JAG2: variants seen among roughly 807,000 people sequenced by gnomAD.
JAG2 encodes protein jagged-2.
In JAG2, 46 loss-of-function variants were observed where a neutral mutation model predicts 141.7. That is an observed-to-expected ratio of 0.32 (90% CI 0.26 to 0.42). The LOEUF (loss-of-function observed/expected upper bound fraction) is 0.42. Among genes scored for constraint, JAG2 ranks in the 10% least tolerant of loss-of-function variants. JAG2 has a pLI of 1.00. For missense variants in JAG2, 1,500 were observed against 1,817.5 expected, an observed-to-expected ratio of 0.83 and a Z score of 3.18; for synonymous variants, 862 against 763.5, an observed-to-expected ratio of 1.13 and a Z score of -2.13.
intron 2 of JAG2, 46 bp from the exon 3 acceptor site, chr14:105,157,809 C>T (rs1473708076): frequency 1.3e-6 from 2 of 1,514,968 alleles, no homozygotes; most frequent in East Asian, 2.4e-5. Context: ...CCACACCTGC[C>T]TGCCTCGTTC....
In JAG2 at chr14:105,145,824, C is replaced by T; in HGVS notation, c.2859G>A (p.Glu953=). ...CEAWGECGAE[E]PPSTPCLPRS... is the part of the protein sequence containing the mutation. ...GTGGCAGGCAGGGGGTGCTCGGTGG[C>T]TCTTCTGCGCCGCACTCCCCCCAGG... Residue 953 remains glutamate (E), a synonymous_variant, in exon 23 of 26, where the codon GAG becomes GAA. Coordinates refer to ENST00000331782, the MANE Select transcript of JAG2 (RefSeq NM_002226.5). The T allele has an allele frequency of 6.4e-7, 1 of 1,564,052 alleles. No individual in the cohort carries two copies.
intron 2 of JAG2, among the ~76,000 whole-genome samples, chr14:105,161,460 C>G (rs1411707692): frequency 1.3e-5 from 2 of 152,200 alleles, no homozygotes; most frequent in Admixed American, 1.3e-4. Context: ...TCCCAGGAAA[C>G]CTCATGCCAG....
Position 105,146,469 on chromosome 14 carries a change from C to T in JAG2, c.2625G>A (p.Arg875=). The change falls in exon 22 of 26, where the codon CGG becomes CGA. Residue 875 remains arginine, a synonymous_variant. Coordinates refer to ENST00000331782, the MANE Select transcript of JAG2 (RefSeq NM_002226.5). The stretch of plus-strand genomic sequence containing the variant: ...AGCTTCCGTGTGGGAACGGAGTGCC[C>T]CGGGACCAGCAGGATCTCCCGAACC... ...VIGFGRSCWS[R]GTPFPHGSSW... 1 of 1,612,800 alleles carries T rather than the reference C, an allele frequency of 6.2e-7. No homozygotes were observed. The highest frequency in any genetic ancestry group is 2.2e-5 in the East Asian group (1 of 44,876).
chr14:105,167,371 G>A lies in JAG2; in HGVS notation c.417+386C>T, dbSNP rs1269774438. 6.6e-6 allele frequency among the ~76,000 whole-genome samples: 1 copy of A among 152,038 alleles called. No homozygotes were observed. The highest frequency in any genetic ancestry group is 2.4e-5 in the African/African-American group (1 of 41,416). ...CCACGGGCCCGGGGCGGCTCAGTCA[G>A]GGCCTGCCCTAGACCAGCCCCAGCA... On this transcript the variant is annotated intron_variant, in intron 2 of 25. Transcript: ENST00000331782. This position sits in a 1 kb window ranked among gnomAD's most constrained non-coding sequence, Gnocchi z 4.8.
chr14:105,159,672 C>A (rs1888676320), intron 2 of JAG2, among the ~76,000 whole-genome samples: 1 of 128,854 alleles, frequency 7.8e-6, no homozygotes, highest in African/African-American at 3.0e-5. Flanking sequence ...CAGGCTCCAT[C>A]ACCTCCCCAG....
chr14:105,150,595 A>AGACC lies in JAG2; in HGVS notation c.1602+5_1602+8dup. 1 of 1,546,482 alleles carries AGACC rather than the reference A, an allele frequency of 6.5e-7. No homozygotes were observed. The highest frequency in any genetic ancestry group is 8.7e-7 in the Non-Finnish European group (1 of 1,144,974). ...AGCAGGTGGGGCAGGGTGACCAGGC[A>AGACC]GACCTCACCTCACAGAGAGGCCCGG... On this transcript the variant is annotated intron_variant, in intron 12 of 25. Coordinates refer to ENST00000331782, the MANE Select transcript of JAG2 (RefSeq NM_002226.5).
rs1303484850 is a variant in JAG2 at position 105,150,685 on chromosome 14, G to C, written c.1521C>G (p.Cys507Trp). The C allele has an allele frequency of 6.4e-7, 1 of 1,553,200 alleles. No homozygotes were observed. The highest frequency in any genetic ancestry group is 8.7e-7 in the Non-Finnish European group (1 of 1,148,594). The change falls in exon 12 of 26, where the codon TGC becomes TGG. Residue 507 changes from cysteine (C) to tryptophan (W), a missense_variant. This residue lies in a region of JAG2 where 875 missense variants were observed against 1,202.2 expected (regional missense o/e 0.73). Coordinates refer to ENST00000331782, the MANE Select transcript of JAG2 (RefSeq NM_002226.5). ...GGTCCTCGCAGAGGCCGCCGCTGTG[G>C]CAGGGGCTGCTGGCACACTCGTCTC... ...LERDECASSP[C>W]HSGGLCEDLA...
intron 2 of JAG2, among the ~76,000 whole-genome samples, chr14:105,159,370 G>C (rs1450535842): frequency 1.3e-5 from 2 of 151,966 alleles, no homozygotes; most frequent in East Asian, 3.9e-4. Flanking sequence ...GCTGACAACA[G>C]ACCCTCAATC....
In JAG2 at chr14:105,167,898, G is replaced by A. The variant is rs780527362; in HGVS notation, c.276C>T (p.His92=). 4 of 1,587,992 alleles carry A rather than the reference G, an allele frequency of 2.5e-6. No homozygotes were observed. Among genetic ancestry groups the A allele is most frequent in the Non-Finnish European group, 3.4e-6 (4 of 1,171,838 alleles). The change falls in exon 2 of 26, where the codon CAC becomes CAT. Residue 92 remains histidine (H), a synonymous_variant. Coordinates refer to ENST00000331782, the MANE Select transcript of JAG2 (RefSeq NM_002226.5). The surrounding 1 kb of genome is among the most constrained non-coding windows in gnomAD (Gnocchi z 4.8). ...TGCCGCCCAGCACGGGCGTGGCGCC[G>A]TGGCCGTAGCTGCAGGGCCCCGTGG... ...VTPTGPCSYG[H]GATPVLGGNS...
rs1228127573 is a variant in JAG2 at position 105,152,286 on chromosome 14, C to T, written c.794G>A (p.Ser265Asn). The T allele has an allele frequency of 1.2e-6, 2 of 1,613,150 alleles. No individual in the cohort carries two copies. The highest frequency in any genetic ancestry group is 8.5e-7 in the Non-Finnish European group (1 of 1,179,904). The change falls in exon 6 of 26, where the codon AGC (serine) becomes AAC (asparagine). Residue 265 changes from serine (S) to asparagine (N), a missense_variant. Coordinates refer to ENST00000331782, the MANE Select transcript of JAG2 (RefSeq NM_002226.5). ...GCAGAACCTCCCTTGCCAGCCGTAGCTGCACCTGGGGGAAGGAGGAGGGGC... is the reference window on the plus strand; with the variant it reads ...GCAGAACCTCCCTTGCCAGCCGTAGTTGCACCTGGGGGAAGGAGGAGGGGC... Reference protein sequence around the residue: ...GCTVPGECRCSYGWQGRFCDE... With the variant: ...GCTVPGECRCNYGWQGRFCDE...
intron 22 of JAG2, 58 bp from the exon 23 acceptor site, chr14:105,146,031 C>T (rs1362637329): frequency 1.3e-5 from 20 of 1,565,092 alleles, no homozygotes; most frequent in South Asian, 2.3e-5. Context: ...CAGATGCAGG[C>T]ACACAGATGA....
chr14:105,152,943 C>A (rs940713333), intron 5 of JAG2, among the ~76,000 whole-genome samples: 2 of 152,184 alleles, frequency 1.3e-5, no homozygotes, highest in African/African-American at 4.8e-5. Flanking sequence ...CTGCCCCAGG[C>A]TATCGGCCAA....
intron 18 of JAG2, 105 bp downstream of exon 18, chr14:105,147,667 C>G: frequency 1.9e-6 from 2 of 1,050,262 alleles, no homozygotes; most frequent in Non-Finnish European, 2.9e-6. Flanking sequence ...GGGGCAGGGG[C>G]AGCAGGGGGA....
intron 24 of JAG2, among the ~76,000 whole-genome samples, chr14:105,144,380 C>A (rs1888159296): frequency 6.6e-6 from 1 of 152,114 alleles, no homozygotes; most frequent in African/African-American, 2.4e-5. Context: ...GGCCTCAGGG[C>A]ACCAAAACAC....
intron 3 of JAG2, 59 bp downstream of exon 3, chr14:105,157,647 C>A (rs1281890396): frequency 7.0e-7 from 1 of 1,423,546 alleles, no homozygotes; most frequent in Non-Finnish European, 9.6e-7. Flanking sequence ...AGGAGCTGGG[C>A]CCTGCCACAG....
rs1452909636 is a variant in JAG2 at position 105,154,155 on chromosome 14, C to T, written c.788+1407G>A. Among the ~76,000 whole-genome samples, 2 of 152,192 alleles carry T rather than the reference C, an allele frequency of 1.3e-5. No homozygotes were observed. The highest frequency in any genetic ancestry group is 2.9e-5 in the Non-Finnish European group (2 of 68,028). On this transcript the variant is annotated intron_variant, in intron 5 of 25. Transcript: ENST00000331782. This position sits in a 1 kb window ranked among gnomAD's most constrained non-coding sequence, Gnocchi z 4.4. The stretch of plus-strand genomic sequence containing the variant: ...CACCTCCCCACCTTGGCTCCCAACT[C>T]AGCTGGTTCCCAAACTCCCCGACTC...
chr14:105,152,130 G>C (rs1279490038), intron 6 of JAG2, 31 bp downstream of exon 6: 1 of 1,613,536 alleles, frequency 6.2e-7, no homozygotes, highest in Admixed American at 1.7e-5. Flanking sequence ...TTCGATGGCA[G>C]AGCATTAGGC....
At chr14:105,164,265 C>T (rs1344108998) in intron 2 of JAG2, among the ~76,000 whole-genome samples, 1 of 152,198 alleles carries the variant, frequency 6.6e-6, no homozygotes, top group East Asian at 1.9e-4. Flanking sequence ...GAATGCCCCA[C>T]CCTGCCCCCA....
rs910692804 is a variant in JAG2, at chr14:105,146,569, C to T, written c.2593+42G>A. The T allele has an allele frequency of 6.8e-6, 11 of 1,606,888 alleles. No individual in the cohort carries two copies. In the African/African-American group the frequency reaches 1.3e-4, roughly 20 times the overall value. ...CCTCGGGGCTGGGTGTCACCCATGCCCCCCAACCCGCCCCAACCCAGGGCA... is the reference window on the plus strand; with the variant it reads ...CCTCGGGGCTGGGTGTCACCCATGCTCCCCAACCCGCCCCAACCCAGGGCA... On this transcript the variant is annotated intron_variant, in intron 21 of 25. Coordinates refer to ENST00000331782, the MANE Select transcript of JAG2 (RefSeq NM_002226.5).
Sources: gnomAD v4.1 joint callset for allele counts (sites outside exome capture counted in the v4.1 genomes callset) on GRCh38, gnomAD v4.1.1 for gene constraint, gnomAD v4.1.1 regional missense constraint, Gnocchi (gnomAD v3.1) non-coding constraint, MANE v1.5 for transcripts, NCBI Gene and HGNC (gene_info 2026-07-23, HGNC 2026-07-21) for gene names.